The following PRDM15 variants were observed in gnomAD, a reference collection of about 807,000 sequenced individuals.
The protein encoded by PRDM15 is PR domain zinc finger protein 15.
In PRDM15, 64 loss-of-function variants were observed where a neutral mutation model predicts 128.6. The ratio of observed to expected loss-of-function variants is 0.50; its 90% CI spans 0.41 to 0.61. The LOEUF is 0.61. Among genes scored for constraint, PRDM15 ranks in the 20% least tolerant of loss-of-function variants. PRDM15 has a pLI of 0.00. For missense variants in PRDM15, 1,242 were observed against 1,569.1 expected, an observed-to-expected ratio of 0.79 and a Z score of 3.52; for synonymous variants, 615 against 621.8, an observed-to-expected ratio of 0.99 and a Z score of 0.16.
In PRDM15 at chr21:41,836,181, A is replaced by T; in HGVS notation, c.1210T>A (p.Cys404Ser). ...HGDKLFKCEE[C>S]AKLFSRKESL... The stretch of plus-strand genomic sequence containing the variant: ...TCTTTGCGGCTGAACAATTTTGCAC[A>T]CTCTTCGCACTTAAACAGCTTGTCA... Residue 404 changes from cysteine to serine, a missense_variant, in exon 10 of 24, where the codon TGT becomes AGT. By Grantham distance (112) the Cys-to-Ser change is moderately radical (BLOSUM62 -1). This residue lies in a region of PRDM15 where 612 missense variants were observed against 717.0 expected (regional missense o/e 0.85). Coordinates refer to ENST00000398548, the MANE Select transcript of PRDM15 (RefSeq NM_001040424.3). 6.2e-7 allele frequency: 1 copy of T among 1,613,738 alleles called. No homozygotes were observed. The highest frequency in any genetic ancestry group is 8.5e-7 in the Non-Finnish European group (1 of 1,179,918).
chr21:41,861,884 C>A, intron 1 of PRDM15: 1 of 1,597,448 alleles, frequency 6.3e-7, no homozygotes, highest in South Asian at 1.1e-5. Flanking sequence ...GTGAAATTTT[C>A]TCCCAAAACA....
At chr21:41,861,537 C>CT (rs756420180) in intron 1 of PRDM15, 4 of 1,543,254 alleles carry the variant, frequency 2.6e-6, no homozygotes, top group East Asian at 2.3e-5. Context: ...CTCCTCTGCC[C>CT]CCCCCCAATC....
intron 13 of PRDM15, 97 bp downstream of exon 13, chr21:41,825,863 T>C: frequency 2.1e-6 from 2 of 972,802 alleles, no homozygotes; most frequent in Admixed American, 2.0e-5. Context: ...CCCCCAAATC[T>C]TCCCTGCAAT....
rs1460637749 is a variant in PRDM15 at position 41,806,504 on chromosome 21, T to C, written c.2653-1890A>G. On this transcript the variant is annotated intron_variant, in intron 21 of 23. Coordinates refer to ENST00000398548, the MANE Select transcript of PRDM15 (RefSeq NM_001040424.3). ...ATTACTACCACCACCATCACCACCA[T>C]CACCATCACCACCACCATCACCACC... Among the ~76,000 whole-genome samples the C allele has an allele frequency of 7.5e-4, 24 of 32,032 alleles. 1 individual carries two copies. The highest frequency in any genetic ancestry group is 9.8e-4 in the Non-Finnish European group (18 of 18,324). 21.0% of individuals were successfully genotyped at this position (32,032 alleles called of 152,430 possible). A position where few individuals can be genotyped will look rare whatever the true frequency, so the allele number is the denominator to read the frequency against.
intron 17 of PRDM15, 71 bp downstream of exon 17, chr21:41,820,024 G>A: frequency 1.6e-6 from 2 of 1,288,340 alleles, no homozygotes; most frequent in Non-Finnish European, 2.2e-6. Context: ...AATACGCGGA[G>A]ACCCCCAGCA....
Position 41,837,906 on chromosome 21 carries a change from A to G in PRDM15, c.1001+28T>C, listed in dbSNP as rs371742259. The G allele has an allele frequency of 6.2e-6, 10 of 1,613,628 alleles. No individual in the cohort carries two copies. In the African/African-American group the frequency reaches 1.2e-4, roughly 19 times the overall value. On this transcript the variant is annotated intron_variant, in intron 8 of 23. Coordinates refer to ENST00000398548, the MANE Select transcript of PRDM15 (RefSeq NM_001040424.3). ...GCTGCCAGCATTGTCTGTCCACAGG[A>G]CGGCCCCAGGTGCCAGGCAGGACTT...
Position 41,879,136 on chromosome 21 carries a change from C to T in PRDM15, c.-10+134G>A, listed in dbSNP as rs780979715. 2 of 1,006,154 alleles carry T rather than the reference C, an allele frequency of 2.0e-6. No individual in the cohort carries two copies. Among genetic ancestry groups the T allele is most frequent in the South Asian group, 3.9e-5 (1 of 25,962 alleles). 62.3% of individuals were successfully genotyped at this position (1,006,154 alleles called of 1,614,324 possible). A position where few individuals can be genotyped will look rare whatever the true frequency, so the allele number is the denominator to read the frequency against. ...GCATGGCGGCTGGACCGGGGCGGCG[C>T]GCGGCTGCCGGGCGCGGGGGGCGGG... On this transcript the variant is annotated intron_variant, in intron 1 of 23. Coordinates refer to ENST00000398548, the MANE Select transcript of PRDM15 (RefSeq NM_001040424.3). This position sits in a 1 kb window ranked among gnomAD's most constrained non-coding sequence, Gnocchi z 5.1.
rs976766498 is a variant in PRDM15, at chr21:41,832,121, C to T, written c.1366+3316G>A. Among the ~76,000 whole-genome samples, 14 of 152,300 alleles carry T rather than the reference C, an allele frequency of 9.2e-5. No individual in the cohort carries two copies. The highest frequency in any genetic ancestry group is 1.9e-4 in the East Asian group (1 of 5,190). On this transcript the variant is annotated intron_variant, in intron 11 of 23. Coordinates refer to ENST00000398548, the MANE Select transcript of PRDM15 (RefSeq NM_001040424.3). This position sits in a 1 kb window ranked among gnomAD's most constrained non-coding sequence, Gnocchi z 4.2. The stretch of plus-strand genomic sequence containing the variant: ...GTTTTCATGATCACTTTAATGGCTA[C>T]GTGATATTCCATCCAGCTCACTTCT...
intron 13 of PRDM15, among the ~76,000 whole-genome samples, chr21:41,825,273 A>G (rs1275791406): frequency 6.6e-6 from 1 of 152,264 alleles, no homozygotes; most frequent in Non-Finnish European, 1.5e-5. Flanking sequence ...GCAGCCTGAC[A>G]GCTGTGAGGA....
chr21:41,842,169 A>C (rs1006596928), intron 6 of PRDM15, among the ~76,000 whole-genome samples: 2 of 152,254 alleles, frequency 1.3e-5, no homozygotes, highest in African/African-American at 4.8e-5. Context: ...AATGATATTG[A>C]TAAGTCTGGC....
At chr21:41,814,757 T>C (rs1350170697) in intron 19 of PRDM15, 4 of 150,628 alleles carry the variant, frequency 2.7e-5, no homozygotes, top group Non-Finnish European at 4.3e-5. Context: ...TTGCGCAGGG[T>C]GCTCTAGTGT....
At chr21:41,871,649 T>C (rs2064216376) in intron 1 of PRDM15, 1 of 1,591,020 alleles carries the variant, frequency 6.3e-7, no homozygotes, top group Admixed American at 1.7e-5. Context: ...GTCACGAAAG[T>C]AGACATGAGA....
In PRDM15 at chr21:41,810,042, C is replaced by T; in HGVS notation, c.2652+112G>A. On this transcript the variant is annotated intron_variant, in intron 21 of 23. Coordinates refer to ENST00000398548, the MANE Select transcript of PRDM15 (RefSeq NM_001040424.3). This position sits in a 1 kb window ranked among gnomAD's most constrained non-coding sequence, Gnocchi z 6.4. ...TCACAGACGCACCTAAGACTCAGGG[C>T]CTGCCTCCAGTACTGGGGGTCTGCA... 9.2e-7 allele frequency: 1 copy of T among 1,088,168 alleles called. No homozygotes were observed. Among genetic ancestry groups the T allele is most frequent in the Non-Finnish European group, 1.3e-6 (1 of 762,546 alleles). The allele number at this position is 1,088,168 out of a possible 1,614,324, so 67.4% of individuals were successfully genotyped here.
At position 41,854,953 on chromosome 21, in the gene PRDM15, G is replaced by T; in HGVS notation, c.286-135C>A. The T allele has an allele frequency of 2.0e-6, 2 of 991,034 alleles. No individual in the cohort carries two copies. Among genetic ancestry groups the T allele is most frequent in the Non-Finnish European group, 2.9e-6 (2 of 690,136 alleles). 61.4% of individuals were successfully genotyped at this position (991,034 alleles called of 1,614,324 possible). On this transcript the variant is annotated intron_variant, in intron 4 of 23. Transcript: ENST00000398548. The surrounding 1 kb of genome is among the most constrained non-coding windows in gnomAD (Gnocchi z 4.6). ...AGAGGCCATAAGGGCTCCTGTACGG[G>T]ATGTTGAGGTGTTTACAATAGTGAG... is the stretch of plus-strand genomic sequence containing the variant.
chr21:41,821,200 T>G lies in PRDM15; in HGVS notation c.1927A>C (p.Lys643Gln). Residue 643 changes from lysine (K) to glutamine (Q), a missense_variant, in exon 16 of 24, where the codon AAG becomes CAG. Transcript: ENST00000398548. This position sits in a 1 kb window ranked among gnomAD's most constrained non-coding sequence, Gnocchi z 5.4. ...TCCTTGTGCACCTCCATGATGTGCTTCAGGTACTCCTTCCCCCGGCCGAAG... is the reference window on the plus strand; with the variant it reads ...TCCTTGTGCACCTCCATGATGTGCTGCAGGTACTCCTTCCCCCGGCCGAAG... ...LTFGRGKEYLKHIMEVHKEKG... is the reference protein window; with the variant it reads ...LTFGRGKEYLQHIMEVHKEKG... 6.2e-7 allele frequency: 1 copy of G among 1,614,154 alleles called. No individual in the cohort carries two copies. The highest frequency in any genetic ancestry group is 8.5e-7 in the Non-Finnish European group (1 of 1,180,018).
intron 1 of PRDM15, chr21:41,861,507 G>C: frequency 6.9e-7 from 1 of 1,439,418 alleles, no homozygotes; most frequent in Non-Finnish European, 9.6e-7. Context: ...CACACAGTAT[G>C]TGCCACCAAA....
In PRDM15 at chr21:41,826,044, TC is replaced by T; in HGVS notation, c.1544del (p.Arg515GlnfsTer2). The T allele has an allele frequency of 6.2e-7, 1 of 1,614,034 alleles. No homozygotes were observed. Among genetic ancestry groups the T allele is most frequent in the Non-Finnish European group, 8.5e-7 (1 of 1,179,932 alleles). ...HQRRHLEGVR[R>X]VKREDLEAGG... ...CGGCCTCCAGGTCCTCTCGCTTCAC[TC>T]GCCGCACTCCTGAAATTGCCAACCC... On this transcript the variant is annotated frameshift_variant, in exon 13 of 24. Coordinates refer to ENST00000398548, the MANE Select transcript of PRDM15 (RefSeq NM_001040424.3). LOFTEE classifies it high-confidence loss of function.
At position 41,859,695 on chromosome 21, in the gene PRDM15, G is replaced by A; in HGVS notation, c.38-10C>T. 6.2e-7 allele frequency: 1 copy of A among 1,612,534 alleles called. No homozygotes were observed. Among genetic ancestry groups the A allele is most frequent in the African/African-American group, 1.3e-5 (1 of 74,918 alleles). ...CTGCAGTCTTCACACCCTGCAAGCA[G>A]ACATCCGGGCATTAGAGCACCCAGG... On this transcript the variant is annotated splice_polypyrimidine_tract_variant and intron_variant, in intron 2 of 23. Coordinates refer to ENST00000398548, the MANE Select transcript of PRDM15 (RefSeq NM_001040424.3). This position sits in a 1 kb window ranked among gnomAD's most constrained non-coding sequence, Gnocchi z 5.3.
At chr21:41,866,362 C>G (rs565465048) in intron 1 of PRDM15, among the ~76,000 whole-genome samples, 26 of 152,352 alleles carry the variant, frequency 1.7e-4, no homozygotes, top group African/African-American at 5.8e-4. Context: ...TTACAAAGCA[C>G]CTAGCAAGGT....
Sources: allele counts gnomAD v4.1 joint callset (sites outside exome capture counted in the v4.1 genomes callset), GRCh38; gene constraint gnomAD v4.1.1; regional missense constraint gnomAD v4.1.1; non-coding constraint Gnocchi (gnomAD v3.1); transcripts MANE v1.5; gene names NCBI Gene and HGNC (gene_info 2026-07-23, HGNC 2026-07-21).